The following TMOD2 variants were observed in gnomAD, a reference collection of about 807,000 sequenced individuals.
The protein encoded by TMOD2 is tropomodulin 2, also known as tropomodulin-2.
TMOD2 carries 22 observed loss-of-function variants against 39.9 expected under a neutral mutation model. That is an observed-to-expected ratio of 0.55 (90% CI 0.39 to 0.79). The LOEUF is 0.79. Ranked by LOEUF, TMOD2 falls within the 30% of genes least tolerant of loss-of-function variation. The probability of loss-of-function intolerance (pLI) is 0.00; values close to 1 mark genes in which losing one functional copy is unlikely to be tolerated. For missense variants in TMOD2, 386 were observed against 413.3 expected (o/e 0.93, Z 0.57); for synonymous variants, 123 against 146.1 (o/e 0.84, Z 1.14).
chr15:51,776,571 AC>A (rs1049550861), intron 4 of TMOD2, among the ~76,000 whole-genome samples: 7 of 151,914 alleles, frequency 4.6e-5, no homozygotes, highest in Non-Finnish European at 1.0e-4. Context: ...GATCTTAAAA[AC>A]CCTTAGTCTC....
intron 7 of TMOD2, among the ~76,000 whole-genome samples, chr15:51,794,731 C>A (rs1362526223): frequency 6.6e-6 from 1 of 152,124 alleles, no homozygotes; most frequent in Non-Finnish European, 1.5e-5. Flanking sequence ...CAGTAATATA[C>A]AGAAATTTAT....
At chr15:51,789,727 G>A (rs902560660) in intron 7 of TMOD2, among the ~76,000 whole-genome samples, 4 of 152,136 alleles carry the variant, frequency 2.6e-5, no homozygotes, top group African/African-American at 7.2e-5. Flanking sequence ...GCACAACTAC[G>A]TGGAAACTGA....
rs145071245 is a variant in TMOD2, at chr15:51,759,743, A to G, written c.-69-6630A>G. On this transcript the variant is annotated intron_variant, in intron 1 of 9. Transcript: ENST00000249700. ...TATTAATGTATCAGCCAGCATCCCA[A>G]CAAGAAACGGGATACACTCGAGTAA... Among the ~76,000 whole-genome samples the G allele has an allele frequency of 5.9e-5, 9 of 152,332 alleles. No homozygotes were observed. In the East Asian group the frequency reaches 1.7e-3, roughly 29 times the overall value.
At chr15:51,783,588 G>A in intron 7 of TMOD2, 1 of 152,028 alleles carries the variant, frequency 6.6e-6, no homozygotes, top group East Asian at 1.9e-4. Flanking sequence ...TTTGACACCA[G>A]AATGTGAAAA....
intron 8 of TMOD2, among the ~76,000 whole-genome samples, chr15:51,799,260 G>A (rs1394483590): frequency 6.6e-6 from 1 of 152,206 alleles, no homozygotes; most frequent in African/African-American, 2.4e-5. Context: ...CTGTGGGATG[G>A]TGGGAGAGAC....
intron 3 of TMOD2, among the ~76,000 whole-genome samples, chr15:51,771,346 C>T (rs749723518): frequency 5.9e-5 from 9 of 152,226 alleles, no homozygotes; most frequent in Non-Finnish European, 1.3e-4. Context: ...GTTCTGAACA[C>T]TATGTGCTGG....
Position 51,813,914 on chromosome 15 carries a change from C to A in TMOD2, c.*5460C>A, listed in dbSNP as rs1326701659. The A allele has an allele frequency of 2.0e-5, 3 of 152,158 alleles. No individual in the cohort carries two copies. Among genetic ancestry groups the A allele is most frequent in the African/African-American group, 7.2e-5 (3 of 41,426 alleles). The allele number at this position is 152,158 out of a possible 1,614,324, so 9.4% of individuals were successfully genotyped here. A position where few individuals can be genotyped will look rare whatever the true frequency, so the allele number is the denominator to read the frequency against. ...TTGAATCGGCTTTATTCTAACCAAC[C>A]ATTACATCTTTCTCATCTTTTGGAG... On this transcript the variant is annotated 3_prime_UTR_variant, in exon 10 of 10. Transcript: ENST00000249700.
intron 1 of TMOD2, among the ~76,000 whole-genome samples, chr15:51,760,888 G>C (rs915513056): frequency 1.1e-4 from 16 of 152,154 alleles, no homozygotes; most frequent in African/African-American, 3.6e-4. Flanking sequence ...ATAGATGTGA[G>C]GAATAGGAGG....
chr15:51,768,195 G>A (rs2055828831), intron 2 of TMOD2, 67 bp from the exon 3 acceptor site: 3 of 1,575,986 alleles, frequency 1.9e-6, no homozygotes, highest in Admixed American at 1.7e-5. Flanking sequence ...AGTGGGGGTG[G>A]AAGAGGAAGT....
chr15:51,757,457 T>C (rs2055750345), intron 1 of TMOD2, among the ~76,000 whole-genome samples: 1 of 150,852 alleles, frequency 6.6e-6, no homozygotes, highest in Non-Finnish European at 1.5e-5. Context: ...CCAAGGCTTG[T>C]ATATTTGGAT....
rs1183739762 is a variant in TMOD2, at chr15:51,806,477, C to T, written c.977C>T (p.Pro326Leu). ...KFGYQFTKQG[P>L]RTRVAAAITK... is the part of the protein sequence containing the mutation. ...GGATACCAGTTTACCAAGCAAGGGCCACGAACAAGGGTGGCAGCTGCCATC... is the reference window on the plus strand; with the variant it reads ...GGATACCAGTTTACCAAGCAAGGGCTACGAACAAGGGTGGCAGCTGCCATC... The change falls in exon 9 of 10, where the codon CCA (proline) becomes CTA (leucine). Residue 326 changes from proline to leucine, a missense_variant. Transcript: ENST00000249700. The T allele has an allele frequency of 3.1e-6, 5 of 1,614,070 alleles. No individual in the cohort carries two copies. The highest frequency in any genetic ancestry group is 1.1e-5 in the South Asian group (1 of 91,082).
intron 7 of TMOD2, among the ~76,000 whole-genome samples, chr15:51,790,039 A>T (rs1490112332): frequency 6.6e-6 from 1 of 152,194 alleles, no homozygotes; most frequent in Non-Finnish European, 1.5e-5. Flanking sequence ...TAGAGACACA[A>T]AAAACTCTTC....
At chr15:51,785,189 G>T (rs2055959806) in intron 7 of TMOD2, among the ~76,000 whole-genome samples, 1 of 151,532 alleles carries the variant, frequency 6.6e-6, no homozygotes. Context: ...GAGGCGGGTG[G>T]ATCATGAGGT....
At chr15:51,799,028 C>T (rs1036141021) in intron 8 of TMOD2, among the ~76,000 whole-genome samples, 4 of 152,208 alleles carry the variant, frequency 2.6e-5, no homozygotes, top group African/African-American at 9.7e-5. Flanking sequence ...CTGGCGACCT[C>T]TTTTTCCCAG....
At chr15:51,781,307 A>G in intron 6 of TMOD2, 133 bp downstream of exon 6, 1 of 753,160 alleles carries the variant, frequency 1.3e-6, no homozygotes, top group South Asian at 2.3e-5. Flanking sequence ...AAGGTATCCT[A>G]TTCAAAAGAA....
At chr15:51,760,320 A>G (rs1320826649) in intron 1 of TMOD2, among the ~76,000 whole-genome samples, 1 of 152,210 alleles carries the variant, frequency 6.6e-6, no homozygotes, top group Admixed American at 6.5e-5. Context: ...GCCCTAGGGG[A>G]GAATCCATGT....
At chr15:51,787,423 G>A (rs533762231) in intron 7 of TMOD2, among the ~76,000 whole-genome samples, 1 of 152,396 alleles carries the variant, frequency 6.6e-6, no homozygotes, top group Admixed American at 6.5e-5. Flanking sequence ...TGGGGGCAGG[G>A]CATATCTGAA....
chr15:51,776,765 T>C (rs1399955078), intron 4 of TMOD2, among the ~76,000 whole-genome samples, 167 bp from the exon 5 acceptor site: 1 of 152,160 alleles, frequency 6.6e-6, no homozygotes, highest in African/African-American at 2.4e-5. Flanking sequence ...AAGGAGGTTT[T>C]TGTAAGTGTA....
chr15:51,802,050 C>T (rs1043489319), intron 8 of TMOD2, among the ~76,000 whole-genome samples: 1 of 151,720 alleles, frequency 6.6e-6, no homozygotes, highest in Non-Finnish European at 1.5e-5. Context: ...TGATGCCCAT[C>T]TATTGTCCTG....
Sources: allele counts gnomAD v4.1 joint callset (sites outside exome capture counted in the v4.1 genomes callset), GRCh38; gene constraint gnomAD v4.1.1; transcripts MANE v1.5; gene names NCBI Gene and HGNC (gene_info 2026-07-23, HGNC 2026-07-21).